Variants in CTNNA2 observed in about 807,000 individuals in gnomAD.
CTNNA2 encodes the protein catenin alpha-2.
CTNNA2 carries 42 observed loss-of-function variants against 101.0 expected under a neutral mutation model. That is an observed-to-expected ratio of 0.42 (90% CI 0.32 to 0.54). CTNNA2 has a LOEUF of 0.54. CTNNA2 is among the 20% of genes least tolerant of loss of function. The pLI, the probability that CTNNA2 is intolerant of heterozygous loss-of-function variation, is 0.14. For synonymous variants in CTNNA2, 450 were observed against 456.4 expected (o/e 0.99, Z 0.18); for missense variants, 871 against 1,223.1 (o/e 0.71, Z 4.29).
At chr2:80,111,382 C>A (rs1701199323) in intron 7 of CTNNA2, among the ~76,000 whole-genome samples, 1 of 152,182 alleles carries the variant, frequency 6.6e-6, no homozygotes, top group African/African-American at 2.4e-5. Flanking sequence ...TAAACAGAGG[C>A]CTGGATGTGG....
At chr2:80,384,679 T>G (rs562791070) in intron 7 of CTNNA2, among the ~76,000 whole-genome samples, 1 of 151,354 alleles carries the variant, frequency 6.6e-6, no homozygotes, top group African/African-American at 2.4e-5. Flanking sequence ...TTTCTCAAGG[T>G]TAGTAACTAA....
chr2:80,309,686 T>G (rs900753645), intron 7 of CTNNA2, among the ~76,000 whole-genome samples: 1 of 133,332 alleles, frequency 7.5e-6, no homozygotes, highest in East Asian at 2.3e-4. Flanking sequence ...CTTCTGTGTT[T>G]CTCTATTTAC....
At chr2:80,599,611 AACTT>A (rs1268931611) in intron 15 of CTNNA2, among the ~76,000 whole-genome samples, 1 of 152,066 alleles carries the variant, frequency 6.6e-6, no homozygotes, top group African/African-American at 2.4e-5. Context: ...TCATGTCACT[AACTT>A]TGTGCTCATT....
chr2:80,256,766 T>G (rs1672194516), intron 7 of CTNNA2, among the ~76,000 whole-genome samples: 1 of 152,188 alleles, frequency 6.6e-6, no homozygotes, highest in African/African-American at 2.4e-5. Flanking sequence ...AAAATTTCGC[T>G]GAAGCCAGAC....
At chr2:79,905,631 A>G (rs1217880933) in intron 6 of CTNNA2, among the ~76,000 whole-genome samples, 1 of 151,948 alleles carries the variant, frequency 6.6e-6, no homozygotes, top group Non-Finnish European at 1.5e-5. Context: ...GATGATGGTG[A>G]TGATGGTGGT....
chr2:80,496,205 TA>T (rs899834142), intron 9 of CTNNA2, among the ~76,000 whole-genome samples: 14 of 152,242 alleles, frequency 9.2e-5, no homozygotes, highest in African/African-American at 3.4e-4. Flanking sequence ...TCTGTTGTTT[TA>T]AGCCACCTAG....
intron 3 of CTNNA2, among the ~76,000 whole-genome samples, chr2:79,850,419 C>T (rs1680610005): frequency 6.8e-6 from 1 of 146,758 alleles, no homozygotes; most frequent in Non-Finnish European, 1.5e-5. Context: ...CCTTCTCTCC[C>T]TCCCTCTCTC....
chr2:80,621,276 T>A (rs1428449992), intron 18 of CTNNA2, among the ~76,000 whole-genome samples: 1 of 151,978 alleles, frequency 6.6e-6, no homozygotes, highest in Non-Finnish European at 1.5e-5. Context: ...AAATGGTTTA[T>A]GAGAAAATGA....
intron 1 of CTNNA2, among the ~76,000 whole-genome samples, chr2:79,636,704 G>C (rs1680094432): frequency 6.6e-6 from 1 of 151,952 alleles, no homozygotes; most frequent in Admixed American, 6.5e-5. Context: ...ATATAATTTT[G>C]AATAATTTTG....
chr2:79,305,670 T>G (rs572238517), intron 2 of CTNNA2, among the ~76,000 whole-genome samples: 18 of 152,266 alleles, frequency 1.2e-4, no homozygotes, highest in Admixed American at 1.1e-3. Flanking sequence ...TCTATCCACC[T>G]GTCAATATAG....
intron 1 of CTNNA2, among the ~76,000 whole-genome samples, chr2:79,635,914 T>G (rs1680006953): frequency 6.6e-6 from 1 of 151,826 alleles, no homozygotes; most frequent in Admixed American, 6.6e-5. Flanking sequence ...GGAAACCTAG[T>G]AACTCGTTGT....
At chr2:80,572,163 A>G (rs1176890824) in intron 12 of CTNNA2, among the ~76,000 whole-genome samples, 4 of 152,130 alleles carry the variant, frequency 2.6e-5, no homozygotes, top group African/African-American at 9.7e-5. Flanking sequence ...GCTCAATATG[A>G]TTAATATTAT....
chr2:80,551,405 A>G (rs1180578833), intron 11 of CTNNA2, among the ~76,000 whole-genome samples: 2 of 152,208 alleles, frequency 1.3e-5, no homozygotes, highest in Non-Finnish European at 2.9e-5. Context: ...GAAGCCAGCT[A>G]TGAAAGTTGT....
chr2:79,372,813 C>T (rs1280925855), intron 3 of CTNNA2, among the ~76,000 whole-genome samples: 3 of 152,134 alleles, frequency 2.0e-5, no homozygotes, highest in Non-Finnish European at 4.4e-5. Context: ...GGCAATTGAA[C>T]GTTAATTGGC....
intron 7 of CTNNA2, among the ~76,000 whole-genome samples, chr2:79,984,338 G>A (rs1280311533): frequency 6.6e-6 from 1 of 152,146 alleles, no homozygotes; most frequent in South Asian, 2.1e-4. Flanking sequence ...AGAGAGAAAA[G>A]AGTTAGTTAT....
intron 7 of CTNNA2, among the ~76,000 whole-genome samples, chr2:80,088,379 A>C (rs948999639): frequency 6.6e-6 from 1 of 151,826 alleles, no homozygotes; most frequent in Non-Finnish European, 1.5e-5. Flanking sequence ...CAGCCTCCGA[A>C]CCTCACTGCT....
chr2:80,572,396 T>C (rs1334304970), intron 12 of CTNNA2, among the ~76,000 whole-genome samples: 1 of 152,180 alleles, frequency 6.6e-6, no homozygotes, highest in African/African-American at 2.4e-5. Context: ...GTACTAATTC[T>C]TTATCAGTTA....
At chr2:79,340,418 G>A (rs1677101911) in intron 3 of CTNNA2, among the ~76,000 whole-genome samples, 1 of 152,178 alleles carries the variant, frequency 6.6e-6, no homozygotes, top group Non-Finnish European at 1.5e-5. Flanking sequence ...GGCAGGTGCA[G>A]TAAACTAAGG....
intron 2 of CTNNA2, among the ~76,000 whole-genome samples, chr2:79,702,308 G>A (rs533335925): frequency 6.8e-6 from 1 of 146,022 alleles, no homozygotes; most frequent in South Asian, 2.1e-4. Flanking sequence ...AAATTTCAGT[G>A]TTCATAAAGT....
Sources: allele counts gnomAD v4.1 joint callset (sites outside exome capture counted in the v4.1 genomes callset), GRCh38; gene constraint gnomAD v4.1.1; transcripts MANE v1.5; gene names NCBI Gene and HGNC (gene_info 2026-07-23, HGNC 2026-07-21).